SGCZ: variants seen among roughly 807,000 people sequenced by gnomAD.
The protein encoded by SGCZ is zeta-sarcoglycan.
Under a neutral mutation model 41.3 loss-of-function variants are expected in SGCZ, and 40 were observed. The ratio of observed to expected loss-of-function variants is 0.97; its 90% CI spans 0.75 to 1.26. SGCZ has a LOEUF of 1.26. Among genes scored for constraint, SGCZ ranks in the 50% most tolerant of loss-of-function variants. The pLI is 0.00. For missense variants in SGCZ, 552 were observed against 369.8 expected, an observed-to-expected ratio of 1.49 and a Z score of -4.04; for synonymous variants, 206 against 137.5, an observed-to-expected ratio of 1.50 and a Z score of -3.49.
At chr8:14,916,572 G>C (rs1461586226) in intron 1 of SGCZ, among the ~76,000 whole-genome samples, 2 of 152,174 alleles carry the variant, frequency 1.3e-5, no homozygotes, top group Non-Finnish European at 2.9e-5. Flanking sequence ...GATCCTATTT[G>C]TAAGCTCCAT....
At chr8:14,928,248 A>G (rs1799819363) in intron 1 of SGCZ, among the ~76,000 whole-genome samples, 1 of 152,184 alleles carries the variant, frequency 6.6e-6, no homozygotes, top group Non-Finnish European at 1.5e-5. Flanking sequence ...TTCAATCAGA[A>G]TGTTGGCATA....
intron 2 of SGCZ, among the ~76,000 whole-genome samples, chr8:14,361,201 G>C (rs1213887369): frequency 1.3e-5 from 2 of 152,098 alleles, no homozygotes; most frequent in African/African-American, 4.8e-5. Flanking sequence ...TATCAAACAT[G>C]TGGTTTGAGA....
Position 14,102,454 on chromosome 8 carries a change from C to A in SGCZ, c.666G>T (p.Gly222=). The A allele has an allele frequency of 6.6e-7, 1 of 1,511,904 alleles. No homozygotes were observed. The highest frequency in any genetic ancestry group is 1.3e-5 in the South Asian group (1 of 76,128). 93.7% of individuals were successfully genotyped at this position (1,511,904 alleles called of 1,614,324 possible). Residue 222 remains glycine, a synonymous_variant, in exon 7 of 8, where the codon GGG becomes GGT. Transcript: ENST00000382080. ...CTCCTGCAGCAGCACTCACCTGGACCCCACGGGGAGCTTCCATGATCAAGG... is the reference window on the plus strand; with the variant it reads ...CTCCTGCAGCAGCACTCACCTGGACACCACGGGGAGCTTCCATGATCAAGG... ...TRSLIMEAPR[G]VQVSAAAGDF...
rs116885138 is a variant in SGCZ at position 15,124,514 on chromosome 8, G to C, written c.39+113071C>G. 1.8e-3 allele frequency among the ~76,000 whole-genome samples: 269 copies of C among 152,236 alleles called. 4 individuals carry two copies. The East Asian group carries it at 0.043, about 25-fold the overall frequency. Reference sequence around the variant, plus strand: ...AGCTATTCCAGCCATGAACAGTCATGGCTTAATTCTAAATAGAAGAGGATT... The same window carrying C: ...AGCTATTCCAGCCATGAACAGTCATCGCTTAATTCTAAATAGAAGAGGATT... On this transcript the variant is annotated intron_variant, in intron 1 of 7. Transcript: ENST00000382080.
intron 2 of SGCZ, among the ~76,000 whole-genome samples, chr8:14,376,883 C>A (rs1169348571): frequency 6.6e-6 from 1 of 152,018 alleles, no homozygotes; most frequent in Admixed American, 6.6e-5. Flanking sequence ...ATTGGAAAAC[C>A]CATTAACATA....
intron 3 of SGCZ, among the ~76,000 whole-genome samples, chr8:14,251,886 T>C (rs984460942): frequency 2.0e-5 from 3 of 152,256 alleles, no homozygotes; most frequent in Admixed American, 2.0e-4. Context: ...ATTTTTGTAC[T>C]TTTAGTAGAG....
intron 2 of SGCZ, among the ~76,000 whole-genome samples, chr8:14,551,569 AATATATATATAATATATATAATATATAT>A (rs1803854771): frequency 5.4e-5 from 1 of 18,430 alleles, no homozygotes; most frequent in East Asian, 3.2e-3. Context: ...TTATATATAT[AATATATATATAATATATATAATATATAT>A]TATATATATT....
intron 5 of SGCZ, among the ~76,000 whole-genome samples, chr8:14,129,345 C>CAAAAAAAAAAAAAA: frequency 2.3e-5 from 1 of 44,114 alleles, no homozygotes; most frequent in Non-Finnish European, 4.9e-5. Flanking sequence ...GACTCCGTCT[C>CAAAAAAAAAAAAAA]AAAAAAAAAA....
chr8:14,152,921 C>T (rs780917019), intron 5 of SGCZ, among the ~76,000 whole-genome samples: 9 of 151,942 alleles, frequency 5.9e-5, no homozygotes, highest in African/African-American at 1.9e-4. Flanking sequence ...AAAGAAAATC[C>T]GGAAAGGTAA....
chr8:14,145,037 C>G (rs577334281), intron 5 of SGCZ, among the ~76,000 whole-genome samples: 52 of 152,254 alleles, frequency 3.4e-4, no homozygotes, highest in African/African-American at 1.2e-3. Context: ...CTGGATCTAC[C>G]TGAGGCCCAG....
At chr8:14,462,942 G>A (rs1044804676) in intron 2 of SGCZ, among the ~76,000 whole-genome samples, 13 of 151,118 alleles carry the variant, frequency 8.6e-5, no homozygotes, top group African/African-American at 3.2e-4. Context: ...CATTATTTCT[G>A]ATGCTATTGT....
chr8:14,617,535 T>G (rs1288838677), intron 1 of SGCZ, among the ~76,000 whole-genome samples: 3 of 152,180 alleles, frequency 2.0e-5, no homozygotes, highest in Non-Finnish European at 2.9e-5. Flanking sequence ...TCTTCAGAAA[T>G]GTATTTTGGC....
intron 1 of SGCZ, among the ~76,000 whole-genome samples, chr8:15,145,976 A>T (rs886340961): frequency 2.0e-5 from 3 of 152,190 alleles, no homozygotes; most frequent in Non-Finnish European, 4.4e-5. Context: ...AGGGGGTAAC[A>T]GTAGAGGAAC....
intron 4 of SGCZ, among the ~76,000 whole-genome samples, chr8:14,217,287 C>T (rs1439792945): frequency 1.1e-5 from 1 of 90,980 alleles, no homozygotes; most frequent in African/African-American, 4.7e-5. Context: ...CAGAGTGAGA[C>T]TCCATCTCAA....
chr8:14,496,719 T>A lies in SGCZ; in HGVS notation c.234+58013A>T, dbSNP rs568135067. Among the ~76,000 whole-genome samples the A allele has an allele frequency of 1.8e-4, 27 of 152,272 alleles. 1 individual carries two copies. Among genetic ancestry groups the A allele is most frequent in the African/African-American group, 6.0e-4 (25 of 41,578 alleles). ...TTACTTATTTATTTAATTCTTTTATTCCTTTTCCCTAGCCATAGACAGGCA... is the reference window on the plus strand; with the variant it reads ...TTACTTATTTATTTAATTCTTTTATACCTTTTCCCTAGCCATAGACAGGCA... On this transcript the variant is annotated intron_variant, in intron 2 of 7. Transcript: ENST00000382080.
chr8:14,695,851 A>G (rs1808943946), intron 1 of SGCZ, among the ~76,000 whole-genome samples: 1 of 152,072 alleles, frequency 6.6e-6, no homozygotes, highest in Non-Finnish European at 1.5e-5. Context: ...AACAAGACAA[A>G]GGCATTGCTA....
At chr8:15,132,377 A>T (rs188000601) in intron 1 of SGCZ, among the ~76,000 whole-genome samples, 184 of 152,292 alleles carry the variant, frequency 1.2e-3, no homozygotes, top group African/African-American at 4.3e-3. Flanking sequence ...TATGGAGTCT[A>T]ACACCTCAAT....
chr8:14,096,425 T>G (rs925713795), intron 7 of SGCZ, among the ~76,000 whole-genome samples: 1 of 152,238 alleles, frequency 6.6e-6, no homozygotes, highest in Admixed American at 6.5e-5. Flanking sequence ...TTGGATATGT[T>G]GAACCAGCCT....
intron 4 of SGCZ, among the ~76,000 whole-genome samples, chr8:14,180,171 C>T (rs1428875725): frequency 3.9e-5 from 6 of 152,150 alleles, no homozygotes; most frequent in South Asian, 2.1e-4. Flanking sequence ...GAGCCCATCA[C>T]CAAAAACAGT....
Sources: gnomAD v4.1 joint callset for allele counts (sites outside exome capture counted in the v4.1 genomes callset) on GRCh38, gnomAD v4.1.1 for gene constraint, MANE v1.5 for transcripts, NCBI Gene and HGNC (gene_info 2026-07-23, HGNC 2026-07-21) for gene names.